GSTM5: variants seen among roughly 807,000 people sequenced by gnomAD.
GSTM5 encodes glutathione S-transferase mu 5.
Under a neutral mutation model 29.0 loss-of-function variants are expected in GSTM5, and 24 were observed. The ratio of observed to expected loss-of-function variants is 0.83; its 90% CI spans 0.60 to 1.16. The LOEUF (loss-of-function observed/expected upper bound fraction) is 1.16, where lower values mean the gene tolerates loss of function less well. Ranked by LOEUF, GSTM5 falls within the 50% of genes most tolerant of loss-of-function variation. GSTM5 has a pLI of 0.00. For missense variants in GSTM5, 290 were observed against 263.0 expected, an observed-to-expected ratio of 1.10 and a Z score of -0.71; for synonymous variants, 91 against 93.6, an observed-to-expected ratio of 0.97 and a Z score of 0.16.
At chr1:109,712,465 T>A in intron 1 of GSTM5, 117 bp downstream of exon 1, 1 of 1,274,796 alleles carries the variant, frequency 7.8e-7, no homozygotes, top group Non-Finnish European at 1.1e-6. Context: ...CAGAAGGGCC[T>A]GTGCATGACG....
intron 5 of GSTM5, chr1:109,714,646 G>A (rs1328283992): frequency 9.0e-6 from 4 of 443,852 alleles, no homozygotes; most frequent in Admixed American, 3.7e-5. Flanking sequence ...CCCCTGTCTG[G>A]ATCCAGAGGC....
intron 5 of GSTM5, 84 bp from the exon 6 acceptor site, chr1:109,714,863 C>A: frequency 7.4e-7 from 1 of 1,343,280 alleles, no homozygotes; most frequent in Non-Finnish European, 1.1e-6. Flanking sequence ...CTGTGGCCAG[C>A]CTGGGCCATC....
chr1:109,717,173 T>G, intron 7 of GSTM5, 164 bp from the exon 8 acceptor site: 1 of 568,850 alleles, frequency 1.8e-6, no homozygotes, highest in East Asian at 3.0e-5. Context: ...GTTGGAAGAG[T>G]TAACTTAGAA....
intron 6 of GSTM5, 22 bp from the exon 7 acceptor site, chr1:109,715,108 A>C: frequency 6.2e-7 from 1 of 1,614,170 alleles, no homozygotes; most frequent in Non-Finnish European, 8.5e-7. Context: ...TTTTCAGCCC[A>C]CACATTCTTG....
In GSTM5 at chr1:109,714,999, A is replaced by G; in HGVS notation, c.413A>G (p.Tyr138Cys). 6.2e-6 allele frequency: 10 copies of G among 1,614,254 alleles called. No individual in the cohort carries two copies. The highest frequency in any genetic ancestry group is 8.5e-6 in the Non-Finnish European group (10 of 1,180,042). Residue 138 changes from tyrosine to cysteine, a missense_variant, in exon 6 of 8, where the codon TAC (tyrosine) becomes TGC (cysteine). Transcript: ENST00000256593. ...LEELPEKLKL[Y>C]SEFLGKRPWF... ...GAACTCCCTGAAAAGCTAAAGCTCT[A>G]CTCAGAGTTTCTGGGGAAGCGGCCA...
At chr1:109,713,057 G>C (rs1440420484) in intron 2 of GSTM5, 62 bp from the exon 3 acceptor site, 1 of 1,601,902 alleles carries the variant, frequency 6.2e-7, no homozygotes, top group Non-Finnish European at 8.5e-7. Context: ...CTCCTTGGGA[G>C]GGTCCCCGGG....
rs984990223 is a variant in GSTM5, at chr1:109,714,719, A to G, written c.361-228A>G. On this transcript the variant is annotated intron_variant, in intron 5 of 7. Coordinates refer to ENST00000256593, the MANE Select transcript of GSTM5 (RefSeq NM_000851.4). ...GCTATTGGGAGGCCAGTGAGGACAG[A>G]TTCAGGAAGAGCATCTCATTCTGAT... The G allele has an allele frequency of 5.1e-6, 3 of 591,142 alleles. No homozygotes were observed. In the African/African-American group the frequency reaches 5.6e-5, roughly 11 times the overall value. 36.6% of individuals were successfully genotyped at this position (591,142 alleles called of 1,614,324 possible). A position where few individuals can be genotyped will look rare whatever the true frequency, so the allele number is the denominator to read the frequency against.
intron 1 of GSTM5, 87 bp from the exon 2 acceptor site, chr1:109,712,531 A>G (rs1347133552): frequency 1.3e-5 from 19 of 1,497,130 alleles, no homozygotes; most frequent in Non-Finnish European, 1.8e-5. Flanking sequence ...TACGTGCAGT[A>G]TAGACTAGGG....
Position 109,712,684 on chromosome 1 carries a change from C to G in GSTM5, c.103C>G (p.Leu35Val). ...AAGCTATGTGGAAAAGAAGTACACG[C>G]TGGGGGACGGTAATGGCACCCTCGT... is the stretch of plus-strand genomic sequence containing the variant. ...DSSYVEKKYT[L>V]GDAPDYDRSQ... Residue 35 changes from leucine (L) to valine (V), a missense_variant, in exon 2 of 8, where the codon CTG (leucine) becomes GTG (valine). Coordinates refer to ENST00000256593, the MANE Select transcript of GSTM5 (RefSeq NM_000851.4). 1 of 1,614,150 alleles carries G rather than the reference C, an allele frequency of 6.2e-7. No homozygotes were observed. Among genetic ancestry groups the G allele is most frequent in the Non-Finnish European group, 8.5e-7 (1 of 1,179,988 alleles).
intron 1 of GSTM5, 46 bp from the exon 2 acceptor site, chr1:109,712,572 C>G (rs1339417637): frequency 6.2e-7 from 1 of 1,603,426 alleles, no homozygotes; most frequent in South Asian, 1.1e-5. Context: ...GTCACCAAGT[C>G]AGGGACCCTC....
chr1:109,714,954 T>G lies in GSTM5; in HGVS notation c.368T>G (p.Leu123Arg), dbSNP rs759918069. ...AGCTGTTTTCTGCCTCAGGAGAAAC[T>G]GAAGCCAAAATACTTGGAGGAACTC... ...RLCYDPDFEK[L>R]KPKYLEELPE... Residue 123 changes from leucine to arginine, a missense_variant, in exon 6 of 8, where the codon CTG becomes CGG. Coordinates refer to ENST00000256593, the MANE Select transcript of GSTM5 (RefSeq NM_000851.4). 6.2e-7 allele frequency: 1 copy of G among 1,614,146 alleles called. No homozygotes were observed. The highest frequency in any genetic ancestry group is 8.5e-7 in the Non-Finnish European group (1 of 1,180,056).
upstream of GSTM5, chr1:109,712,244 C>G: frequency 1.3e-6 from 2 of 1,548,904 alleles, no homozygotes; most frequent in Non-Finnish European, 1.8e-6. Flanking sequence ...CCTGTCCCCT[C>G]CTGGGCCTCT....
In GSTM5 at chr1:109,712,916, C is replaced by T; in HGVS notation, c.113-203C>T. The T allele has an allele frequency of 1.2e-5, 10 of 849,426 alleles. No homozygotes were observed. In the South Asian group the frequency reaches 1.2e-4, roughly 10 times the overall value. 52.6% of individuals were successfully genotyped at this position (849,426 alleles called of 1,614,324 possible). ...TTGGGTTGGGTGTCCCTCAGAGCTT[C>T]CCTAAACCCTGGAAGCCTTAGCCGT... On this transcript the variant is annotated intron_variant, in intron 2 of 7. Coordinates refer to ENST00000256593, the MANE Select transcript of GSTM5 (RefSeq NM_000851.4).
rs1276733007 is a variant in GSTM5 at position 109,712,692 on chromosome 1, C to T, written c.111C>T (p.Asp37=). The T allele has an allele frequency of 4.3e-6, 7 of 1,614,048 alleles. No individual in the cohort carries two copies. Among genetic ancestry groups the T allele is most frequent in the Non-Finnish European group, 5.1e-6 (6 of 1,179,910 alleles). Reference sequence around the variant, plus strand: ...TGGAAAAGAAGTACACGCTGGGGGACGGTAATGGCACCCTCGTGTCCGGGC... The same window carrying T: ...TGGAAAAGAAGTACACGCTGGGGGATGGTAATGGCACCCTCGTGTCCGGGC... ...SYVEKKYTLG[D]APDYDRSQWL... Residue 37 remains aspartate, a splice_region_variant and synonymous_variant, in exon 2 of 8, where the codon GAC becomes GAT. Coordinates refer to ENST00000256593, the MANE Select transcript of GSTM5 (RefSeq NM_000851.4).
chr1:109,714,931 C>T lies in GSTM5; in HGVS notation c.361-16C>T, dbSNP rs761401295. 5 of 1,613,698 alleles carry T rather than the reference C, an allele frequency of 3.1e-6. No homozygotes were observed. The Admixed American group carries it at 8.3e-5, about 27-fold the overall frequency. The stretch of plus-strand genomic sequence containing the variant: ...AGCTTTTGTCTGAGGGTGGTGACAG[C>T]TGTTTTCTGCCTCAGGAGAAACTGA... On this transcript the variant is annotated splice_polypyrimidine_tract_variant and intron_variant, in intron 5 of 7. Coordinates refer to ENST00000256593, the MANE Select transcript of GSTM5 (RefSeq NM_000851.4).
intron 7 of GSTM5, chr1:109,715,818 G>A (rs1052889836): frequency 1.6e-5 from 7 of 443,814 alleles, no homozygotes; most frequent in Non-Finnish European, 3.0e-5. Context: ...AGCTGGATTA[G>A]GGTACATATG....
intron 7 of GSTM5, chr1:109,715,799 T>A (rs183767310): frequency 2.5e-4 from 103 of 412,090 alleles, no homozygotes; most frequent in African/African-American, 1.9e-3. Context: ...GATCCGGAGC[T>A]GTGGCTGGAG....
At chr1:109,714,763 G>A (rs561731673) in intron 5 of GSTM5, 184 bp from the exon 6 acceptor site, 2 of 643,012 alleles carry the variant, frequency 3.1e-6, no homozygotes, top group Admixed American at 2.7e-5. Flanking sequence ...ATAGGGTCTG[G>A]CACCCAGTCA....
rs770531083 is a variant in GSTM5, at chr1:109,713,108, C to T, written c.113-11C>T. The T allele has an allele frequency of 4.3e-6, 7 of 1,612,388 alleles. No homozygotes were observed. Among genetic ancestry groups the T allele is most frequent in the Admixed American group, 3.3e-5 (2 of 60,022 alleles). On this transcript the variant is annotated splice_polypyrimidine_tract_variant and intron_variant, in intron 2 of 7. Transcript: ENST00000256593. ...CTGGGGAGGTTTGTTTTCACTTCTT[C>T]CCCACCACAGCTCCTGACTATGACA...
Sources: gnomAD v4.1 joint callset for allele counts on GRCh38, gnomAD v4.1.1 for gene constraint, MANE v1.5 for transcripts, NCBI Gene and HGNC (gene_info 2026-07-23, HGNC 2026-07-21) for gene names.